EYA4: variants seen among roughly 807,000 people sequenced by gnomAD.
The protein encoded by EYA4 is EYA transcriptional coactivator and phosphatase 4.
Under a neutral mutation model 87.9 loss-of-function variants are expected in EYA4, and 31 were observed. That is an observed-to-expected ratio of 0.35 (90% CI 0.27 to 0.48). The LOEUF (loss-of-function observed/expected upper bound fraction) is 0.48, where lower values mean the gene tolerates loss of function less well. EYA4 is among the 20% of genes least tolerant of loss of function. EYA4 has a pLI of 0.99. For synonymous variants in EYA4, 263 were observed against 270.6 expected (o/e 0.97, Z 0.28); for missense variants, 678 against 761.4 (o/e 0.89, Z 1.29).
chr6:133,515,934 C>G (rs999388502), intron 17 of EYA4, among the ~76,000 whole-genome samples: 3 of 152,140 alleles, frequency 2.0e-5, no homozygotes, highest in Non-Finnish European at 2.9e-5. Context: ...TGAAAAAATT[C>G]TAACCATTTT....
At chr6:133,418,627 T>C (rs1008736990) in intron 3 of EYA4, among the ~76,000 whole-genome samples, 1 of 152,222 alleles carries the variant, frequency 6.6e-6, no homozygotes, top group Admixed American at 6.5e-5. Context: ...GATAAGTCAG[T>C]ACACAGATAA....
chr6:133,510,965 C>T (rs1441680415), intron 14 of EYA4, among the ~76,000 whole-genome samples: 3 of 152,146 alleles, frequency 2.0e-5, no homozygotes, highest in Non-Finnish European at 2.9e-5. Flanking sequence ...ATGCCGCACT[C>T]CAGGGCACTT....
At chr6:133,393,210 C>T (rs1787452727) in intron 3 of EYA4, among the ~76,000 whole-genome samples, 1 of 152,066 alleles carries the variant, frequency 6.6e-6, no homozygotes, top group African/African-American at 2.4e-5. Context: ...CCACTTCATG[C>T]TTGGCCAACT....
intron 2 of EYA4, among the ~76,000 whole-genome samples, chr6:133,351,534 T>G (rs1212783266): frequency 2.0e-5 from 3 of 152,202 alleles, no homozygotes; most frequent in African/African-American, 7.2e-5. Context: ...ACTGCTTAAC[T>G]GAGGATACCC....
chr6:133,431,029 T>C (rs540169063), intron 3 of EYA4, among the ~76,000 whole-genome samples: 1 of 152,230 alleles, frequency 6.6e-6, no homozygotes, highest in South Asian at 2.1e-4. Context: ...GAGAACTGTG[T>C]TCCTGGGAAA....
intron 2 of EYA4, among the ~76,000 whole-genome samples, chr6:133,369,926 A>AGCTGCT (rs1365312267): frequency 1.1e-4 from 8 of 72,980 alleles, no homozygotes; most frequent in African/African-American, 3.1e-4. Flanking sequence ...GAAAGACAGG[A>AGCTGCT]GCTGCTGATG....
intron 1 of EYA4, among the ~76,000 whole-genome samples, chr6:133,264,472 G>A (rs555578621): frequency 1.9e-4 from 29 of 152,372 alleles, no homozygotes; most frequent in African/African-American, 6.5e-4. Context: ...AGACCATTAC[G>A]TGGCTGTTGC....
At chr6:133,299,084 TGG>T (rs1779166051) in intron 2 of EYA4, among the ~76,000 whole-genome samples, 1 of 152,050 alleles carries the variant, frequency 6.6e-6, no homozygotes, top group African/African-American at 2.4e-5. Flanking sequence ...ACAAGCGACT[TGG>T]GGGAAGGAGA....
chr6:133,461,727 C>A (rs1794399901), intron 7 of EYA4, among the ~76,000 whole-genome samples: 1 of 150,862 alleles, frequency 6.6e-6, no homozygotes, highest in South Asian at 2.1e-4. Context: ...AGAGTGTCTG[C>A]CTTTACATAT....
chr6:133,380,771 A>T (rs1252694687), intron 2 of EYA4, among the ~76,000 whole-genome samples: 1 of 151,920 alleles, frequency 6.6e-6, no homozygotes, highest in Non-Finnish European at 1.5e-5. Context: ...TTTTATGTTT[A>T]CATTTTTAAA....
chr6:133,305,987 T>TTGAG (rs113655832), intron 2 of EYA4, among the ~76,000 whole-genome samples: 1 of 151,408 alleles, frequency 6.6e-6, no homozygotes, highest in Non-Finnish European at 1.5e-5. Flanking sequence ...ATAGATGTCA[T>TTGAG]TGTGTGTGTG....
intron 2 of EYA4, among the ~76,000 whole-genome samples, chr6:133,315,891 A>G (rs866442271): frequency 1.4e-4 from 22 of 152,316 alleles, no homozygotes; most frequent in African/African-American, 5.3e-4. Context: ...ACAGTGTGGG[A>G]ACTTCAGAAA....
chr6:133,242,346 T>C (rs1293762394), intron 1 of EYA4, among the ~76,000 whole-genome samples: 3 of 152,162 alleles, frequency 2.0e-5, no homozygotes, highest in African/African-American at 7.2e-5. Context: ...CCCACTTTAA[T>C]AGTTTTTATG....
intron 2 of EYA4, among the ~76,000 whole-genome samples, chr6:133,348,222 C>T (rs1051219199): frequency 2.7e-5 from 4 of 150,250 alleles, no homozygotes; most frequent in Non-Finnish European, 4.4e-5. Context: ...GGCACTGTTC[C>T]ATCTCCATTA....
chr6:133,290,087 C>T (rs454877), intron 2 of EYA4, among the ~76,000 whole-genome samples: 44,898 of 151,792 alleles, frequency 0.3, 6,883 homozygotes, highest in Non-Finnish European at 0.34. Flanking sequence ...TCATTGTGTG[C>T]CATGGGCTAA....
At chr6:133,512,444 A>AT (rs1367804642) in intron 14 of EYA4, among the ~76,000 whole-genome samples, 1 of 152,236 alleles carries the variant, frequency 6.6e-6, no homozygotes, top group African/African-American at 2.4e-5. Context: ...CTTATCAATA[A>AT]TTTTAAGATT....
chr6:133,349,717 G>A (rs1783490100), intron 2 of EYA4, among the ~76,000 whole-genome samples: 1 of 152,094 alleles, frequency 6.6e-6, no homozygotes, highest in African/African-American at 2.4e-5. Context: ...CCCCTAATCA[G>A]TGGGCTACAT....
chr6:133,269,972 G>A lies in EYA4; in HGVS notation c.-65-4744G>A, dbSNP rs1776552417. ...GATGTTCAAGGACAGGAAGTATCCA[G>A]CATGGGAGAAAGATATAGGCTGGGA... On this transcript the variant is annotated intron_variant, in intron 1 of 19. Transcript: ENST00000355286. Among the ~76,000 whole-genome samples, 4 of 152,168 alleles carry A rather than the reference G, an allele frequency of 2.6e-5. No homozygotes were observed. In the South Asian group the frequency reaches 8.3e-4, roughly 32 times the overall value.
chr6:133,243,088 TC>T (rs1362700840), intron 1 of EYA4, among the ~76,000 whole-genome samples: 5 of 54,760 alleles, frequency 9.1e-5, no homozygotes, highest in Non-Finnish European at 1.8e-4. Context: ...TGGAGCAACT[TC>T]GTGTGTGTGT....
Sources: gnomAD v4.1 joint callset for allele counts (sites outside exome capture counted in the v4.1 genomes callset) on GRCh38, gnomAD v4.1.1 for gene constraint, MANE v1.5 for transcripts, NCBI Gene and HGNC (gene_info 2026-07-23, HGNC 2026-07-21) for gene names.